The following GCNT1 variants were observed in gnomAD, a reference collection of about 807,000 sequenced individuals.
GCNT1 encodes glucosaminyl (N-acetyl) transferase 1, also known as beta-1,3-galactosyl-O-glycosyl-glycoprotein beta-1,6-N-acetylglucosaminyltransferase.
In GCNT1, 16 loss-of-function variants were observed where a neutral mutation model predicts 26.2. That is an observed-to-expected ratio of 0.61 (90% confidence interval 0.41 to 0.93). The LOEUF (loss-of-function observed/expected upper bound fraction) is 0.93, where lower values mean the gene tolerates loss of function less well. GCNT1 is among the 40% of genes least tolerant of loss of function. GCNT1 has a pLI of 0.00. For missense variants in GCNT1, 477 were observed against 526.7 expected, an observed-to-expected ratio of 0.91 and a Z score of 0.92; for synonymous variants, 183 against 190.8, an observed-to-expected ratio of 0.96 and a Z score of 0.34.
intron 2 of GCNT1, among the ~76,000 whole-genome samples, chr9:76,498,269 C>A (rs567179636): frequency 7.2e-4 from 110 of 152,148 alleles, no homozygotes; most frequent in African/African-American, 2.5e-3. Context: ...ATTAGTAATG[C>A]CATTATGAAC....
chr9:76,396,066 A>G, the GCNT1 span, among the ~76,000 whole-genome samples: 161 of 152,328 alleles, frequency 1.1e-3, no homozygotes, highest in Non-Finnish European at 2.2e-3. Context: ...GCAGTGATAC[A>G]CCTAATAAGA....
Position 76,428,927 on chromosome 9 carries a change from C to T in GCNT1, n.38+9040C>T, listed in dbSNP as rs147553098. On this transcript the variant is annotated intron_variant and non_coding_transcript_variant, in intron 1 of 3. Transcript: ENST00000488136. ...GTTGGTCAGGCTGGTCTCAAACTCCCGACCTCAGGTGATCTGTCTGCCTTG... is the reference window on the plus strand; with the variant it reads ...GTTGGTCAGGCTGGTCTCAAACTCCTGACCTCAGGTGATCTGTCTGCCTTG... Among the ~76,000 whole-genome samples, 412 of 152,142 alleles carry T rather than the reference C, an allele frequency of 2.7e-3. 1 individual carries two copies. The highest frequency in any genetic ancestry group is 9.6e-3 in the African/African-American group (398 of 41,490).
At chr9:76,413,489 C>T in the GCNT1 span, among the ~76,000 whole-genome samples, 28 of 152,340 alleles carry the variant, frequency 1.8e-4, no homozygotes, top group Non-Finnish European at 1.5e-4. Flanking sequence ...AAATAGAACA[C>T]TCTTCTTGCT....
chr9:76,480,812 TC>T (rs1174727970), intron 2 of GCNT1, among the ~76,000 whole-genome samples: 2 of 152,248 alleles, frequency 1.3e-5, no homozygotes, highest in African/African-American at 4.8e-5. Flanking sequence ...TGATATTTTT[TC>T]TTCTGTATGT....
rs1469931345 is a variant in GCNT1 at position 76,505,635 on chromosome 9, A to C, written c.*1967A>C. On this transcript the variant is annotated 3_prime_UTR_variant, in exon 4 of 4. Transcript: ENST00000376730. ...ATTGCAAATCTACAGCAAAAGTAAA[A>C]CAGTAGAGTGAACACCATGTAACCC... 7.5e-6 allele frequency: 1 copy of C among 132,516 alleles called. No homozygotes were observed. The highest frequency in any genetic ancestry group is 1.7e-5 in the Non-Finnish European group (1 of 57,612). 8.2% of individuals were successfully genotyped at this position (132,516 alleles called of 1,614,324 possible).
the GCNT1 span, among the ~76,000 whole-genome samples, chr9:76,400,079 T>G: frequency 6.6e-6 from 1 of 151,960 alleles, no homozygotes; most frequent in African/African-American, 2.4e-5. Context: ...AAGTTGGAGG[T>G]CGGAGGGAGG....
At chr9:76,483,145 GAC>G (rs1824467675) in intron 2 of GCNT1, among the ~76,000 whole-genome samples, 1 of 152,046 alleles carries the variant, frequency 6.6e-6, no homozygotes, top group Non-Finnish European at 1.5e-5. Flanking sequence ...TTAAGGGAAA[GAC>G]ATTTAATACT....
At chr9:76,418,101 T>C (rs1170476976), upstream of GCNT1, among the ~76,000 whole-genome samples, 3 of 151,810 alleles carry the variant, frequency 2.0e-5, no homozygotes, top group South Asian at 6.3e-4. Context: ...AAGGTATACA[T>C]TGGTTCAGTC....
the GCNT1 span, among the ~76,000 whole-genome samples, chr9:76,409,686 TC>T: frequency 1.3e-5 from 2 of 152,262 alleles, no homozygotes; most frequent in Middle Eastern, 3.4e-3. Flanking sequence ...CCTCAGGTGA[TC>T]CACCTGCCTC....
At chr9:76,422,269 A>T (rs1420048316) in intron 1 of GCNT1, among the ~76,000 whole-genome samples, 1 of 152,174 alleles carries the variant, frequency 6.6e-6, no homozygotes, top group Non-Finnish European at 1.5e-5. Context: ...CATATCAGCC[A>T]TGTTGCCCAA....
In GCNT1 at chr9:76,450,048, C is replaced by T. The variant is rs1391402129; in HGVS notation, c.-290+7733C>T. 2.0e-5 allele frequency among the ~76,000 whole-genome samples: 3 copies of T among 152,330 alleles called. No homozygotes were observed. The East Asian group carries it at 5.8e-4, about 29-fold the overall frequency. ...TCAGCCTCCCAAAGTGCTGGGATTA[C>T]AGGTGTGAGCCACTGCGCCCGGCCC... On this transcript the variant is annotated intron_variant, in intron 1 of 2. Coordinates refer to the GCNT1 transcript ENST00000442371.
chr9:76,404,394 G>A, the GCNT1 span, among the ~76,000 whole-genome samples: 29 of 152,274 alleles, frequency 1.9e-4, no homozygotes, highest in African/African-American at 6.0e-4. Flanking sequence ...AAATAAAAGT[G>A]TGTAGTGGGG....
chr9:76,435,243 A>G (rs962359681), intron 1 of GCNT1, among the ~76,000 whole-genome samples: 1 of 152,120 alleles, frequency 6.6e-6, no homozygotes, highest in Non-Finnish European at 1.5e-5. Flanking sequence ...TCGGGTGGGC[A>G]TCATGGACCT....
intron 2 of GCNT1, among the ~76,000 whole-genome samples, chr9:76,499,297 T>G (rs1824998014): frequency 2.0e-5 from 3 of 152,036 alleles, no homozygotes; most frequent in Admixed American, 6.6e-5. Context: ...CCGGCTAATT[T>G]TTGTATTTTT....
At chr9:76,415,046 G>A (rs1370399535), upstream of GCNT1, among the ~76,000 whole-genome samples, 1 of 152,060 alleles carries the variant, frequency 6.6e-6, no homozygotes, top group African/African-American at 2.4e-5. Flanking sequence ...GCCTTTATGT[G>A]CCCTTTAGCT....
chr9:76,399,098 C>G, the GCNT1 span: 1 of 1,588,786 alleles, frequency 6.3e-7, no homozygotes, highest in Non-Finnish European at 8.5e-7. Flanking sequence ...CCACCAGCCT[C>G]TCACGGAGGC....
chr9:76,468,798 T>A (rs1411177043), intron 2 of GCNT1, among the ~76,000 whole-genome samples: 1 of 152,214 alleles, frequency 6.6e-6, no homozygotes, highest in Non-Finnish European at 1.5e-5. Context: ...TTACAGTGAA[T>A]TACTTTTCAA....
At chr9:76,452,310 C>A (rs1189337144) in intron 1 of GCNT1, among the ~76,000 whole-genome samples, 2 of 152,086 alleles carry the variant, frequency 1.3e-5, no homozygotes, top group African/African-American at 4.8e-5. Context: ...ACATCATTAG[C>A]AGACCAAAAT....
At chr9:76,478,569 C>T (rs1824320333) in intron 2 of GCNT1, among the ~76,000 whole-genome samples, 1 of 152,216 alleles carries the variant, frequency 6.6e-6, no homozygotes, top group African/African-American at 2.4e-5. Context: ...GAATAAATTT[C>T]AGACACAATA....
Sources: allele counts gnomAD v4.1 joint callset (sites outside exome capture counted in the v4.1 genomes callset), GRCh38; gene constraint gnomAD v4.1.1; transcripts MANE v1.5; gene names NCBI Gene and HGNC (gene_info 2026-07-23, HGNC 2026-07-21).